BCL11A: variants seen among roughly 807,000 people sequenced by gnomAD.
BCL11A encodes the protein BCL11 transcription factor A.
BCL11A carries 2 observed loss-of-function variants against 55.9 expected under a neutral mutation model. That is an observed-to-expected ratio of 0.04 (90% CI 0.01 to 0.11). The LOEUF is 0.11. BCL11A is among the 10% of genes least tolerant of loss of function. The pLI, the probability that BCL11A is intolerant of heterozygous loss-of-function variation, is 1.00. For missense variants in BCL11A, 817 were observed against 1,137.1 expected (o/e 0.72, Z 4.05); for synonymous variants, 465 against 473.4 (o/e 0.98, Z 0.23).
rs1369034641 is a variant in BCL11A, at chr2:60,461,067, C to T, written c.1845G>A (p.Gly615=). ...RGCSPGESAS[G]GLSKKLLLGS... ...CCAGCAGCAGCTTTTTGGACAGGCCCCCCGAGGCCGACTCGCCCGGGGAGC... is the reference window on the plus strand; with the variant it reads ...CCAGCAGCAGCTTTTTGGACAGGCCTCCCGAGGCCGACTCGCCCGGGGAGC... The change falls in exon 4 of 4, where the codon GGG becomes GGA. Residue 615 remains glycine, a synonymous_variant. Coordinates refer to ENST00000642384, the MANE Select transcript of BCL11A (RefSeq NM_022893.4). 2 of 1,604,318 alleles carry T rather than the reference C, an allele frequency of 1.2e-6. No individual in the cohort carries two copies. Among genetic ancestry groups the T allele is most frequent in the Non-Finnish European group, 1.7e-6 (2 of 1,174,500 alleles).
At chr2:60,551,464 G>A (rs1670409509) in intron 1 of BCL11A, among the ~76,000 whole-genome samples, 1 of 152,234 alleles carries the variant, frequency 6.6e-6, no homozygotes, top group Non-Finnish European at 1.5e-5. Flanking sequence ...CGGGGCGCAG[G>A]GGGACTGGTG....
chr2:60,462,579 G>C (rs1676379246), intron 3 of BCL11A, among the ~76,000 whole-genome samples, 155 bp from the exon 4 acceptor site: 1 of 151,786 alleles, frequency 6.6e-6, no homozygotes. Context: ...TGGCACGTCT[G>C]AGCATGGGTA....
intron 2 of BCL11A, among the ~76,000 whole-genome samples, chr2:60,504,728 T>C (rs2104430925): frequency 6.6e-6 from 1 of 152,294 alleles, no homozygotes; most frequent in East Asian, 1.9e-4. Flanking sequence ...TTTCTACTGG[T>C]GCTTAGGGAC....
At chr2:60,452,475 GCTA>G, downstream of BCL11A, 1 of 983,274 alleles carries the variant, frequency 1.0e-6, no homozygotes, top group Non-Finnish European at 1.6e-6. Context: ...CTTCTTGGAG[GCTA>G]CTGTCAGAAA....
At chr2:60,452,261 A>G (rs1433172464), downstream of BCL11A, 1 of 285,222 alleles carries the variant, frequency 3.5e-6, no homozygotes, top group Non-Finnish European at 6.7e-6. Flanking sequence ...TTTCCACAAT[A>G]CAGGTAATTA....
Position 60,461,356 on chromosome 2 carries a change from A to G in BCL11A, c.1556T>C (p.Leu519Pro), listed in dbSNP as rs1676268972. 2 of 1,605,108 alleles carry G rather than the reference A, an allele frequency of 1.2e-6. No individual in the cohort carries two copies. Among genetic ancestry groups the G allele is most frequent in the Non-Finnish European group, 1.7e-6 (2 of 1,179,104 alleles). ...GTTCTCGTGGTGGCGCGCCGCCTCC[A>G]GGCTCAGCCCGAAGCCGTAGTCCAC... ...ERVDYGFGLS[L>P]EAARHHENSS... The change falls in exon 4 of 4, where the codon CTG becomes CCG. Residue 519 changes from leucine (L) to proline (P), a missense_variant. Around this residue, in one of 4 missense-constraint regions of BCL11A, gnomAD observed 379 missense variants for 425.3 expected, o/e 0.89. Transcript: ENST00000642384.
chr2:60,540,803 T>C (rs1669884173), intron 2 of BCL11A, among the ~76,000 whole-genome samples: 2 of 152,188 alleles, frequency 1.3e-5, no homozygotes, highest in Admixed American at 1.3e-4. Context: ...AGTTGCATTT[T>C]CCAGCCCATG....
chr2:60,509,215 G>A (rs1050697621), intron 2 of BCL11A, among the ~76,000 whole-genome samples: 6 of 152,242 alleles, frequency 3.9e-5, no homozygotes, highest in Admixed American at 3.9e-4. Context: ...TGGCTTGGAT[G>A]TTATGAGGAT....
At chr2:60,528,897 T>C (rs1277853330) in intron 2 of BCL11A, among the ~76,000 whole-genome samples, 1 of 152,218 alleles carries the variant, frequency 6.6e-6, no homozygotes, top group African/African-American at 2.4e-5. Context: ...ATGGACTCTA[T>C]GAGGTAAGGG....
chr2:60,516,927 G>T (rs1668759685), intron 2 of BCL11A, among the ~76,000 whole-genome samples: 2 of 152,172 alleles, frequency 1.3e-5, no homozygotes, highest in Non-Finnish European at 2.9e-5. Context: ...CAATAAATGG[G>T]TTACAAGATA....
At chr2:60,518,900 G>A (rs1668852304) in intron 2 of BCL11A, among the ~76,000 whole-genome samples, 1 of 152,178 alleles carries the variant, frequency 6.6e-6, no homozygotes, top group Admixed American at 6.5e-5. Context: ...ATTTCCTGGG[G>A]CTGCTTGTTA....
intron 2 of BCL11A, among the ~76,000 whole-genome samples, chr2:60,496,112 A>G (rs777659597): frequency 1.9e-4 from 29 of 152,254 alleles, no homozygotes; most frequent in Admixed American, 5.2e-4. Flanking sequence ...ATTGAAAGCA[A>G]TGCACCTGTG....
intron 2 of BCL11A, among the ~76,000 whole-genome samples, chr2:60,471,853 C>A (rs778081785): frequency 6.6e-6 from 1 of 152,194 alleles, no homozygotes; most frequent in Non-Finnish European, 1.5e-5. Context: ...TGGGCACCAC[C>A]TCAGACTTAC....
At chr2:60,548,975 T>C (rs1326191260) in intron 1 of BCL11A, among the ~76,000 whole-genome samples, 1 of 152,198 alleles carries the variant, frequency 6.6e-6, no homozygotes, top group Non-Finnish European at 1.5e-5. Flanking sequence ...CTCAGCCATT[T>C]ACCCCCTCCC....
In BCL11A at chr2:60,546,540, A is replaced by G. The variant is rs1670168047; in HGVS notation, c.56-240T>C. On this transcript the variant is annotated intron_variant, in intron 1 of 3. Coordinates refer to ENST00000642384, the MANE Select transcript of BCL11A (RefSeq NM_022893.4). The surrounding 1 kb of genome is among the most constrained non-coding windows in gnomAD (Gnocchi z 4.1). Reference sequence around the variant, plus strand: ...ATGTAAAGAAAACAGTCTTCCTTGCATAACTCCAGAGAACACACACACACA... The same window carrying G: ...ATGTAAAGAAAACAGTCTTCCTTGCGTAACTCCAGAGAACACACACACACA... 2.0e-6 allele frequency: 1 copy of G among 498,650 alleles called. No homozygotes were observed. The highest frequency in any genetic ancestry group is 2.3e-5 in the South Asian group (1 of 43,750). The allele number at this position is 498,650 out of a possible 1,614,324, so 30.9% of individuals were successfully genotyped here.
intron 2 of BCL11A, among the ~76,000 whole-genome samples, chr2:60,500,643 A>AC (rs1679228441): frequency 6.6e-6 from 1 of 152,258 alleles, no homozygotes; most frequent in East Asian, 1.9e-4. Flanking sequence ...CAGAGACAGC[A>AC]CCCTCCACCA....
chr2:60,542,078 A>G, intron 2 of BCL11A: 1 of 537,992 alleles, frequency 1.9e-6, no homozygotes. Context: ...TCTGTCTGAT[A>G]TATCATTATC....
At chr2:60,522,419 G>A (rs1669034275) in intron 2 of BCL11A, 1 of 152,110 alleles carries the variant, frequency 6.6e-6, no homozygotes, top group Admixed American at 6.5e-5. Flanking sequence ...TACCAAATAG[G>A]GGAGTTATTT....
chr2:60,506,246 CT>C (rs1320843561), intron 2 of BCL11A, among the ~76,000 whole-genome samples: 1 of 152,240 alleles, frequency 6.6e-6, no homozygotes, highest in Non-Finnish European at 1.5e-5. Flanking sequence ...GAGGCAGCAG[CT>C]AGGGCTCTGG....
Sources: gnomAD v4.1 joint callset for allele counts (sites outside exome capture counted in the v4.1 genomes callset) on GRCh38, gnomAD v4.1.1 for gene constraint, gnomAD v4.1.1 regional missense constraint, Gnocchi (gnomAD v3.1) non-coding constraint, MANE v1.5 for transcripts, NCBI Gene and HGNC (gene_info 2026-07-23, HGNC 2026-07-21) for gene names.